The following CHP1 variants were observed in gnomAD, a reference collection of about 807,000 sequenced individuals.
CHP1 encodes the protein calcineurin like EF-hand protein 1.
A neutral mutation model predicts 27.4 loss-of-function variants in CHP1; 11 were observed. The ratio of observed to expected loss-of-function variants is 0.40; its 90% CI spans 0.25 to 0.67. The LOEUF (loss-of-function observed/expected upper bound fraction) is 0.67. Ranked by LOEUF, CHP1 falls within the 30% of genes least tolerant of loss-of-function variation. The pLI is 0.38. For synonymous variants in CHP1, 89 were observed against 87.4 expected (o/e 1.02, Z -0.10); for missense variants, 169 against 251.3 (o/e 0.67, Z 2.22).
intron 4 of CHP1, among the ~76,000 whole-genome samples, chr15:41,268,383 A>G (rs1220301016): frequency 3.3e-5 from 5 of 151,972 alleles, no homozygotes; most frequent in Non-Finnish European, 5.9e-5. Flanking sequence ...GCAGTGGCTC[A>G]TGCCTGTAAT....
At chr15:41,268,731 G>C (rs978875683) in intron 4 of CHP1, among the ~76,000 whole-genome samples, 1 of 151,666 alleles carries the variant, frequency 6.6e-6, no homozygotes, top group Non-Finnish European at 1.5e-5. Context: ...CATGCGGTTA[G>C]ATCATGAGGT....
In CHP1 at chr15:41,237,723, A is replaced by G. The variant is rs533291010; in HGVS notation, c.68-5944A>G. Reference sequence around the variant, plus strand: ...TTTGGAATAAAGGCAAGGACAAAATAACTTTTTCTTTTCTTTTTTTTTGAG... The same window carrying G: ...TTTGGAATAAAGGCAAGGACAAAATGACTTTTTCTTTTCTTTTTTTTTGAG... On this transcript the variant is annotated intron_variant, in intron 1 of 6. Transcript: ENST00000334660. Among the ~76,000 whole-genome samples the G allele has an allele frequency of 3.3e-5, 5 of 152,086 alleles. No individual in the cohort carries two copies. The East Asian group carries it at 9.7e-4, about 29-fold the overall frequency.
intron 5 of CHP1, among the ~76,000 whole-genome samples, chr15:41,277,715 G>T (rs1460540232): frequency 1.3e-5 from 2 of 151,806 alleles, no homozygotes; most frequent in African/African-American, 4.8e-5. Flanking sequence ...TTGAACTGGG[G>T]AGGCAGAGGT....
intron 4 of CHP1, among the ~76,000 whole-genome samples, chr15:41,264,996 C>T (rs150970487): frequency 1.9e-3 from 282 of 152,278 alleles, no homozygotes; most frequent in African/African-American, 6.4e-3. Context: ...GTGCCTCTTA[C>T]TGTAGACTGA....
intron 3 of CHP1, among the ~76,000 whole-genome samples, chr15:41,262,325 T>G (rs2047437846): frequency 6.6e-6 from 1 of 152,112 alleles, no homozygotes; most frequent in Non-Finnish European, 1.5e-5. Context: ...TGGTATACAT[T>G]ACTGCAGGGG....
intron 1 of CHP1, 121 bp from the exon 2 acceptor site, chr15:41,243,546 T>C (rs903351912): frequency 1.5e-6 from 1 of 661,906 alleles, no homozygotes; most frequent in Admixed American, 2.8e-5. Flanking sequence ...TTTAACATTC[T>C]AGAGATAAGA....
chr15:41,266,540 G>A (rs1217959039), intron 4 of CHP1, among the ~76,000 whole-genome samples: 1 of 152,100 alleles, frequency 6.6e-6, no homozygotes, highest in Non-Finnish European at 1.5e-5. Flanking sequence ...TTTTTCTTGG[G>A]TGTTGAGGAG....
intron 4 of CHP1, among the ~76,000 whole-genome samples, chr15:41,264,003 A>C (rs2047446806): frequency 6.6e-6 from 1 of 152,188 alleles, no homozygotes; most frequent in Non-Finnish European, 1.5e-5. Flanking sequence ...TCACTTTACA[A>C]GTCAGATTAG....
At chr15:41,271,514 A>C (rs1025153269) in intron 5 of CHP1, among the ~76,000 whole-genome samples, 12 of 152,216 alleles carry the variant, frequency 7.9e-5, no homozygotes, top group Admixed American at 7.2e-4. Flanking sequence ...TAATTCAGTT[A>C]TTGCCAAATC....
intron 6 of CHP1, 107 bp from the exon 7 acceptor site, chr15:41,279,229 T>TA: frequency 5.6e-6 from 5 of 900,522 alleles, no homozygotes; most frequent in South Asian, 3.2e-5. Context: ...AAAAAAAAGT[T>TA]ACGTTTTACT....
intron 3 of CHP1, 110 bp downstream of exon 3, chr15:41,257,100 T>A (rs947458449): frequency 1.6e-5 from 10 of 623,586 alleles, no homozygotes; most frequent in African/African-American, 6.7e-5. Flanking sequence ...TGATACCCCC[T>A]GATTATATTG....
At chr15:41,272,530 C>T (rs1051152324) in intron 5 of CHP1, among the ~76,000 whole-genome samples, 25 of 152,044 alleles carry the variant, frequency 1.6e-4, no homozygotes, top group African/African-American at 4.3e-4. Context: ...AAGCGATTCT[C>T]GTGCCTCAGC....
rs1279671444 is a variant in CHP1 at position 41,231,310 on chromosome 15, C to T, written c.-73C>T. The T allele has an allele frequency of 7.7e-6, 11 of 1,431,060 alleles. No individual in the cohort carries two copies. The Admixed American group carries it at 1.4e-4, about 18-fold the overall frequency. 88.6% of individuals were successfully genotyped at this position (1,431,060 alleles called of 1,614,324 possible). A position where few individuals can be genotyped will look rare whatever the true frequency, so the allele number is the denominator to read the frequency against. On this transcript the variant is annotated 5_prime_UTR_variant, in exon 1 of 7. Coordinates refer to ENST00000334660, the MANE Select transcript of CHP1 (RefSeq NM_007236.5). ...CTCCCTTCTTGACCCCTAGCCCTTC[C>T]TTCCCTCCCTCCTTCCCTCCTGTCG...
intron 1 of CHP1, among the ~76,000 whole-genome samples, chr15:41,239,936 C>G (rs1364202222): frequency 6.6e-6 from 1 of 152,080 alleles, no homozygotes; most frequent in East Asian, 1.9e-4. Flanking sequence ...GCCACCACGC[C>G]CGTCTAATTT....
chr15:41,235,631 C>G (rs993602789), intron 1 of CHP1, among the ~76,000 whole-genome samples: 1 of 152,186 alleles, frequency 6.6e-6, no homozygotes, highest in African/African-American at 2.4e-5. Context: ...TGGTATATGT[C>G]ATGTGGTACG....
chr15:41,251,199 T>C (rs1248687673), intron 2 of CHP1, among the ~76,000 whole-genome samples: 2 of 152,050 alleles, frequency 1.3e-5, no homozygotes, highest in Non-Finnish European at 2.9e-5. Flanking sequence ...ATCAAAAGCA[T>C]TGGACATGAT....
At chr15:41,240,471 G>C (rs1469903395) in intron 1 of CHP1, among the ~76,000 whole-genome samples, 4 of 152,122 alleles carry the variant, frequency 2.6e-5, no homozygotes, top group African/African-American at 9.7e-5. Context: ...GATATATGAA[G>C]AGCTGGGCGC....
intron 5 of CHP1, among the ~76,000 whole-genome samples, chr15:41,271,285 G>A (rs894645924): frequency 1.6e-4 from 24 of 145,702 alleles, no homozygotes; most frequent in Non-Finnish European, 2.2e-4. Context: ...AAAATTAGCC[G>A]TCTGTGGTGG....
chr15:41,231,295 G>C lies in CHP1; in HGVS notation c.-88G>C. On this transcript the variant is annotated 5_prime_UTR_variant, in exon 1 of 7. Coordinates refer to ENST00000334660, the MANE Select transcript of CHP1 (RefSeq NM_007236.5). Reference sequence around the variant, plus strand: ...TGGAAACACTGCCCTCTCCCTTCTTGACCCCTAGCCCTTCCTTCCCTCCCT... The same window carrying C: ...TGGAAACACTGCCCTCTCCCTTCTTCACCCCTAGCCCTTCCTTCCCTCCCT... The C allele has an allele frequency of 7.6e-7, 1 of 1,308,170 alleles. No homozygotes were observed. The highest frequency in any genetic ancestry group is 1.1e-6 in the Non-Finnish European group (1 of 927,210). The allele number at this position is 1,308,170 out of a possible 1,614,324, so 81.0% of individuals were successfully genotyped here. A position where few individuals can be genotyped will look rare whatever the true frequency, so the allele number is the denominator to read the frequency against.
Sources: gnomAD v4.1 joint callset for allele counts (sites outside exome capture counted in the v4.1 genomes callset) on GRCh38, gnomAD v4.1.1 for gene constraint, MANE v1.5 for transcripts, NCBI Gene and HGNC (gene_info 2026-07-23, HGNC 2026-07-21) for gene names.